ZMAT4: variants seen among roughly 807,000 people sequenced by gnomAD.
The protein encoded by ZMAT4 is zinc finger matrin-type protein 4.
In ZMAT4, 17 loss-of-function variants were observed where a neutral mutation model predicts 28.7. The ratio of observed to expected loss-of-function variants is 0.59; its 90% CI spans 0.41 to 0.89. The LOEUF (loss-of-function observed/expected upper bound fraction) is 0.89. Ranked by LOEUF, ZMAT4 falls within the 40% of genes least tolerant of loss-of-function variation. ZMAT4 has a pLI of 0.00. For missense variants in ZMAT4, 240 were observed against 283.8 expected (o/e 0.85, Z 1.11); for synonymous variants, 117 against 109.2 (o/e 1.07, Z -0.44).
chr8:40,748,453 G>A (rs1440364138), intron 3 of ZMAT4, among the ~76,000 whole-genome samples: 1 of 152,120 alleles, frequency 6.6e-6, no homozygotes, highest in Non-Finnish European at 1.5e-5. Context: ...CAGAAAGGAG[G>A]GGAATACAAC....
intron 2 of ZMAT4, among the ~76,000 whole-genome samples, chr8:40,770,456 A>T (rs1253854220): frequency 6.6e-6 from 1 of 151,638 alleles, no homozygotes; most frequent in Non-Finnish European, 1.5e-5. Context: ...GCACCTGAGG[A>T]TGGAGACCTG....
intron 1 of ZMAT4, among the ~76,000 whole-genome samples, chr8:40,836,261 T>C: frequency 6.6e-6 from 1 of 152,146 alleles, no homozygotes; most frequent in Non-Finnish European, 1.5e-5. Context: ...GGGAGATTGT[T>C]GAAACTTAAA....
intron 5 of ZMAT4, among the ~76,000 whole-genome samples, chr8:40,632,936 G>C (rs1338529971): frequency 6.6e-6 from 1 of 152,116 alleles, no homozygotes; most frequent in Non-Finnish European, 1.5e-5. Context: ...TAAAGGAGAG[G>C]AAGATTACTA....
intron 6 of ZMAT4, among the ~76,000 whole-genome samples, chr8:40,538,175 G>A (rs996961944): frequency 6.6e-6 from 1 of 152,032 alleles, no homozygotes; most frequent in East Asian, 1.9e-4. Flanking sequence ...CTATTTTCTC[G>A]GGAGCCTACT....
chr8:40,770,022 G>T (rs762790614), intron 2 of ZMAT4, among the ~76,000 whole-genome samples: 29 of 151,964 alleles, frequency 1.9e-4, no homozygotes, highest in Non-Finnish European at 4.4e-5. Context: ...TTCCTCCCTC[G>T]GGGCCCCCCA....
At chr8:40,689,486 C>T (rs1357324387) in intron 4 of ZMAT4, among the ~76,000 whole-genome samples, 1 of 152,170 alleles carries the variant, frequency 6.6e-6, no homozygotes, top group Non-Finnish European at 1.5e-5. Context: ...CTTAAAGAAA[C>T]CAATCTGAGC....
chr8:40,683,006 T>C (rs550309952), intron 4 of ZMAT4, among the ~76,000 whole-genome samples: 1 of 152,290 alleles, frequency 6.6e-6, no homozygotes, highest in South Asian at 2.1e-4. Flanking sequence ...ATTCTTTGCC[T>C]TGAAATCAAG....
At chr8:40,824,729 AAAG>A (rs748704061) in intron 2 of ZMAT4, among the ~76,000 whole-genome samples, 1,793 of 147,686 alleles carry the variant, frequency 0.012, 18 homozygotes, top group Non-Finnish European at 0.019. Context: ...AGAAAGAAAG[AAAG>A]AAGAAAGAAA....
At chr8:40,774,615 T>C (rs904803592) in intron 2 of ZMAT4, among the ~76,000 whole-genome samples, 6 of 151,808 alleles carry the variant, frequency 4.0e-5, no homozygotes, top group African/African-American at 7.2e-5. Context: ...ATAAATATTG[T>C]AATATATCCA....
intron 1 of ZMAT4, among the ~76,000 whole-genome samples, chr8:40,837,195 A>G (rs1816525734): frequency 6.6e-6 from 1 of 152,216 alleles, no homozygotes; most frequent in African/African-American, 2.4e-5. Context: ...GTGCACAAAA[A>G]TGATGGACAC....
intron 5 of ZMAT4, among the ~76,000 whole-genome samples, chr8:40,599,997 G>A (rs1805243690): frequency 6.6e-6 from 1 of 152,214 alleles, no homozygotes; most frequent in South Asian, 2.1e-4. Context: ...ACAGTCTCAT[G>A]TGTTGCCATG....
At chr8:40,571,193 A>T (rs1456761628) in intron 6 of ZMAT4, among the ~76,000 whole-genome samples, 2 of 152,114 alleles carry the variant, frequency 1.3e-5, no homozygotes, top group African/African-American at 4.8e-5. Context: ...AAGAATGAAC[A>T]TGCTCCCCAT....
chr8:40,888,486 ATGCCCTACCTTCAGG>A (rs2150669439), intron 1 of ZMAT4: 1 of 152,520 alleles, frequency 6.6e-6, no homozygotes, highest in East Asian at 1.9e-4. Context: ...CCTCTTTGTC[ATGCCCTACCTTCAGG>A]CAGGCCTGTC....
At chr8:40,638,825 A>G (rs1162676746) in intron 5 of ZMAT4, among the ~76,000 whole-genome samples, 1 of 152,232 alleles carries the variant, frequency 6.6e-6, no homozygotes, top group Non-Finnish European at 1.5e-5. Flanking sequence ...TAAATGTACA[A>G]GGTAATAAGT....
intron 1 of ZMAT4, among the ~76,000 whole-genome samples, chr8:40,846,733 C>G (rs1816914230): frequency 6.6e-6 from 1 of 152,188 alleles, no homozygotes; most frequent in Admixed American, 6.5e-5. Flanking sequence ...CAGACCCGCA[C>G]AGCTGCTGCA....
rs1361673126 is a variant in ZMAT4 at position 40,530,789 on chromosome 8, T to C, written c.*1434A>G. The C allele has an allele frequency of 6.6e-6, 1 of 152,632 alleles. No homozygotes were observed. Among genetic ancestry groups the C allele is most frequent in the Non-Finnish European group, 1.5e-5 (1 of 68,062 alleles). The allele number at this position is 152,632 out of a possible 1,614,324, so 9.5% of individuals were successfully genotyped here. A position where few individuals can be genotyped will look rare whatever the true frequency, so the allele number is the denominator to read the frequency against. ...AGAGTAGGGTGTGGCTCGTGGGGCT[T>C]CGTCTCTCTGCAGGCACAGAAACTG... On this transcript the variant is annotated 3_prime_UTR_variant, in exon 7 of 7. Transcript: ENST00000297737.
At position 40,652,326 on chromosome 8, in the gene ZMAT4, G is replaced by GA. The variant is rs1469454718; in HGVS notation, c.577+22377dup. 2.7e-3 allele frequency among the ~76,000 whole-genome samples: 339 copies of GA among 123,680 alleles called. 2 individuals carry two copies. The highest frequency in any genetic ancestry group is 3.4e-3 in the Non-Finnish European group (197 of 58,648). The allele number at this position is 123,680 out of a possible 152,430, so 81.1% of individuals were successfully genotyped here. On this transcript the variant is annotated intron_variant, in intron 5 of 6. Transcript: ENST00000297737. ...ACATTTATGCAGCCAAAAAACACATGAAAAAATGCTCATGATCACTGGCCA... is the reference window on the plus strand; with the variant it reads ...ACATTTATGCAGCCAAAAAACACATGAAAAAAATGCTCATGATCACTGGCCA...
intron 6 of ZMAT4, among the ~76,000 whole-genome samples, chr8:40,568,705 T>C (rs982873320): frequency 2.0e-5 from 3 of 152,146 alleles, no homozygotes; most frequent in African/African-American, 4.8e-5. Context: ...TTCACAGATA[T>C]GGAAACTAAG....
chr8:40,821,422 T>C (rs1324518617), intron 2 of ZMAT4, among the ~76,000 whole-genome samples: 1 of 135,180 alleles, frequency 7.4e-6, no homozygotes, highest in Non-Finnish European at 1.6e-5. Context: ...GAAATGTTAA[T>C]GTGTTCTTAA....
Sources: allele counts gnomAD v4.1 joint callset (sites outside exome capture counted in the v4.1 genomes callset), GRCh38; gene constraint gnomAD v4.1.1; transcripts MANE v1.5; gene names NCBI Gene and HGNC (gene_info 2026-07-23, HGNC 2026-07-21).